EPHA6: variants seen among roughly 807,000 people sequenced by gnomAD.
EPHA6 encodes EPH receptor A6.
EPHA6 carries 50 observed loss-of-function variants against 112.0 expected under a neutral mutation model. The ratio of observed to expected loss-of-function variants is 0.45; its 90% CI spans 0.36 to 0.56. The LOEUF (loss-of-function observed/expected upper bound fraction) is 0.56, where lower values mean the gene tolerates loss of function less well. Ranked by LOEUF, EPHA6 falls within the 20% of genes least tolerant of loss-of-function variation. The pLI, the probability that EPHA6 is intolerant of heterozygous loss-of-function variation, is 0.00. For missense variants in EPHA6, 1,280 were observed against 1,417.4 expected (o/e 0.90, Z 1.56); for synonymous variants, 529 against 490.7 (o/e 1.08, Z -1.03).
rs67227502 is a variant in EPHA6 at position 96,829,949 on chromosome 3, GCACACACACA to G, written c.385+14972_385+14981del. ...CATGCACGTGCATGTGCGCGCGCGC[GCACACACACA>G]CACACACACACACACACACACACAC... On this transcript the variant is annotated intron_variant, in intron 1 of 17. Transcript: ENST00000389672. 7.6e-3 allele frequency among the ~76,000 whole-genome samples: 1,035 copies of G among 136,066 alleles called. 11 individuals are homozygous for G. The highest frequency in any genetic ancestry group is 0.026 in the South Asian group (111 of 4,290). The allele number at this position is 136,066 out of a possible 152,430, so 89.3% of individuals were successfully genotyped here. A position where few individuals can be genotyped will look rare whatever the true frequency, so the allele number is the denominator to read the frequency against.
intron 10 of EPHA6, among the ~76,000 whole-genome samples, chr3:97,489,691 A>G (rs2091789410): frequency 6.6e-6 from 1 of 152,008 alleles, no homozygotes; most frequent in Non-Finnish European, 1.5e-5. Flanking sequence ...GTCTTAAAAA[A>G]AAAAAAAAAA....
At chr3:97,496,646 A>C (rs2091985708) in intron 10 of EPHA6, among the ~76,000 whole-genome samples, 1 of 152,082 alleles carries the variant, frequency 6.6e-6, no homozygotes, top group South Asian at 2.1e-4. Flanking sequence ...ATCTTAGGTG[A>C]ATTTGGCTGT....
intron 16 of EPHA6, chr3:97,745,321 G>T (rs1003392652): frequency 2.2e-6 from 1 of 444,920 alleles, no homozygotes; most frequent in Non-Finnish European, 4.5e-6. Context: ...TGCTATGATA[G>T]CTTTCCAATC....
intron 3 of EPHA6, among the ~76,000 whole-genome samples, chr3:97,107,101 A>G (rs1223838576): frequency 6.6e-6 from 1 of 152,118 alleles, no homozygotes; most frequent in Non-Finnish European, 1.5e-5. Context: ...TTAGTCTCCT[A>G]CTATTACTAC....
At chr3:97,488,490 C>T (rs1006672025) in intron 10 of EPHA6, among the ~76,000 whole-genome samples, 1 of 152,148 alleles carries the variant, frequency 6.6e-6, no homozygotes, top group Non-Finnish European at 1.5e-5. Flanking sequence ...TCCTAATTCC[C>T]CTGCCACCCT....
chr3:97,368,265 T>C (rs1334319164), intron 5 of EPHA6, among the ~76,000 whole-genome samples: 2 of 152,172 alleles, frequency 1.3e-5, no homozygotes, highest in African/African-American at 2.4e-5. Context: ...AATATGCTAG[T>C]CTACACAGAC....
intron 4 of EPHA6, among the ~76,000 whole-genome samples, chr3:97,237,479 T>A (rs1177289109): frequency 6.6e-6 from 1 of 152,006 alleles, no homozygotes; most frequent in Non-Finnish European, 1.5e-5. Flanking sequence ...GCCATTCTGC[T>A]GATGTTGGAG....
intron 14 of EPHA6, among the ~76,000 whole-genome samples, chr3:97,719,639 TAA>T (rs1299973061): frequency 6.6e-6 from 1 of 152,218 alleles, no homozygotes; most frequent in Non-Finnish European, 1.5e-5. Context: ...GTTAAAATGT[TAA>T]GTTGAAATTG....
In EPHA6 at chr3:97,753,541, T is replaced by C. The variant is rs960932563; in HGVS notation, c.*4840T>C. ...GTTGATCCTCTTCAGGAGTCACAGA[T>C]TTTTATTGTCTGATAGCATAGCTAT... On this transcript the variant is annotated 3_prime_UTR_variant, in exon 18 of 18. Transcript: ENST00000389672. 2.0e-5 allele frequency among the ~76,000 whole-genome samples: 3 copies of C among 152,158 alleles called. No homozygotes were observed. The highest frequency in any genetic ancestry group is 2.9e-5 in the Non-Finnish European group (2 of 68,020).
chr3:97,075,539 A>T (rs1288023363), intron 3 of EPHA6, among the ~76,000 whole-genome samples: 1 of 152,040 alleles, frequency 6.6e-6, no homozygotes, highest in Non-Finnish European at 1.5e-5. Context: ...TTTCAGCTTG[A>T]TATGTATCAT....
intron 11 of EPHA6, among the ~76,000 whole-genome samples, chr3:97,558,200 G>A (rs1369675482): frequency 6.6e-6 from 1 of 152,146 alleles, no homozygotes; most frequent in Middle Eastern, 3.4e-3. Context: ...CTGCACATGT[G>A]AGGTGGATGG....
At chr3:97,058,383 T>G (rs1189881562) in intron 3 of EPHA6, among the ~76,000 whole-genome samples, 1 of 152,050 alleles carries the variant, frequency 6.6e-6, no homozygotes, top group Admixed American at 6.6e-5. Context: ...CTGCAACCTC[T>G]GCCTCCCAGG....
chr3:97,155,208 G>A (rs1006153290), intron 3 of EPHA6, among the ~76,000 whole-genome samples: 1 of 152,032 alleles, frequency 6.6e-6, no homozygotes, highest in Non-Finnish European at 1.5e-5. Flanking sequence ...AACATTTAAT[G>A]TTCTATTTTA....
chr3:97,601,104 T>C (rs1166348451), intron 12 of EPHA6, among the ~76,000 whole-genome samples: 8 of 152,146 alleles, frequency 5.3e-5, no homozygotes, highest in Non-Finnish European at 8.8e-5. Flanking sequence ...AAATTCTCCA[T>C]TGAGAGCATA....
chr3:97,746,039 G>A (rs1007144659), intron 16 of EPHA6, among the ~76,000 whole-genome samples: 1 of 151,836 alleles, frequency 6.6e-6, no homozygotes, highest in African/African-American at 2.4e-5. Flanking sequence ...TAGTTCAAAT[G>A]TGAATGGTAA....
chr3:97,089,166 T>C (rs1045887371), intron 3 of EPHA6, among the ~76,000 whole-genome samples: 2 of 152,132 alleles, frequency 1.3e-5, no homozygotes, highest in Non-Finnish European at 2.9e-5. Context: ...AAGTATTTCA[T>C]ACTTTAACAA....
At chr3:97,261,344 G>A (rs1273617957) in intron 5 of EPHA6, among the ~76,000 whole-genome samples, 8 of 152,102 alleles carry the variant, frequency 5.3e-5, no homozygotes, top group African/African-American at 1.9e-4. Context: ...TTGAGAGTCA[G>A]ATACACCATA....
At chr3:97,630,231 T>G (rs1047076973) in intron 13 of EPHA6, among the ~76,000 whole-genome samples, 23 of 151,980 alleles carry the variant, frequency 1.5e-4, no homozygotes, top group African/African-American at 5.3e-4. Context: ...TAACTGTGCC[T>G]AGCTTAAGTT....
intron 3 of EPHA6, among the ~76,000 whole-genome samples, chr3:97,087,007 G>A (rs531678566): frequency 6.4e-4 from 97 of 152,228 alleles, no homozygotes; most frequent in Admixed American, 1.2e-3. Context: ...GGAAAAACAC[G>A]TAAGTTTTGT....
Sources: gnomAD v4.1 joint callset for allele counts (sites outside exome capture counted in the v4.1 genomes callset) on GRCh38, gnomAD v4.1.1 for gene constraint, MANE v1.5 for transcripts, NCBI Gene and HGNC (gene_info 2026-07-23, HGNC 2026-07-21) for gene names.